The following RNF213 variants were observed in gnomAD, a reference collection of about 807,000 sequenced individuals.
RNF213 encodes the protein E3 ubiquitin-protein ligase RNF213.
RNF213 carries 341 observed loss-of-function variants against 514.4 expected under a neutral mutation model. The observed-to-expected ratio is 0.66, with a 90% CI of 0.61 to 0.73. The LOEUF (loss-of-function observed/expected upper bound fraction) is 0.73, where lower values mean the gene tolerates loss of function less well. Among genes scored for constraint, RNF213 ranks in the 30% least tolerant of loss-of-function variants. RNF213 has a pLI of 0.00. For synonymous variants in RNF213, 2,655 were observed against 2,658.2 expected (o/e 1.00, Z 0.04); for missense variants, 5,767 against 6,615.6 (o/e 0.87, Z 4.45).
chr17:80,363,540 C>G, intron 40 of RNF213, 69 bp from the exon 41 acceptor site: 1 of 1,556,468 alleles, frequency 6.4e-7, no homozygotes. Flanking sequence ...ATGCAGCTAA[C>G]AGCCGGGGCC....
Position 80,332,157 on chromosome 17 carries a change from G to A in RNF213, c.3669G>A (p.Lys1223=). The A allele has an allele frequency of 6.5e-7, 1 of 1,537,214 alleles. No individual in the cohort carries two copies. The highest frequency in any genetic ancestry group is 1.2e-5 in the South Asian group (1 of 84,066). ...CCCAGGTCCAAGAAATGGCTGGGAA[G>A]ATAGACTTGCTCAGAGACAGCCACA... ...LSSQVQEMAG[K]IDLLRDSHIF... The change falls in exon 21 of 68, where the codon AAG becomes AAA. Residue 1223 remains lysine (K), a synonymous_variant. Transcript: ENST00000582970.
At chr17:80,300,359 G>A (rs374859856) in intron 11 of RNF213, among the ~76,000 whole-genome samples, 3 of 151,706 alleles carry the variant, frequency 2.0e-5, no homozygotes, top group South Asian at 2.1e-4. Flanking sequence ...CTGCCTCCTC[G>A]GCACAAGCGA....
At position 80,340,070 on chromosome 17, in the gene RNF213, C is replaced by T. The variant is rs2078106426; in HGVS notation, c.5703C>T (p.Ser1901=). The change falls in exon 26 of 68, where the codon AGC becomes AGT. Residue 1901 remains serine (S), a synonymous_variant. Transcript: ENST00000582970. ...VYSLLFADQL[S]YEVARQAEEL... is the part of the protein sequence containing the mutation. ...GCCTGCTGTTCGCAGATCAGCTGAG[C>T]TACGAGGTGGCACGCCAAGCGGAGG... is the stretch of plus-strand genomic sequence containing the variant. 2.5e-6 allele frequency: 4 copies of T among 1,586,402 alleles called. No homozygotes were observed. Among genetic ancestry groups the T allele is most frequent in the Non-Finnish European group, 3.4e-6 (4 of 1,169,552 alleles).
At chr17:80,379,477 C>G in intron 54 of RNF213, 143 bp from the exon 55 acceptor site, 1 of 811,860 alleles carries the variant, frequency 1.2e-6, no homozygotes, top group Non-Finnish European at 2.1e-6. Flanking sequence ...GGGTTCTCCA[C>G]CCACCCGAAA....
intron 2 of RNF213, among the ~76,000 whole-genome samples, chr17:80,269,983 CAT>C (rs1177584329): frequency 1.3e-5 from 2 of 152,230 alleles, no homozygotes; most frequent in African/African-American, 2.4e-5. Context: ...AAATGACCCA[CAT>C]GTTACAGGAG....
chr17:80,349,733 A>C, intron 29 of RNF213, 37 bp from the exon 30 acceptor site: 1 of 1,612,770 alleles, frequency 6.2e-7, no homozygotes, highest in South Asian at 1.1e-5. Context: ...CCTTTCCTTG[A>C]AGTCTGGCAA....
chr17:80,348,983 T>A (rs903066603), intron 29 of RNF213, among the ~76,000 whole-genome samples: 1 of 151,998 alleles, frequency 6.6e-6, no homozygotes, highest in East Asian at 1.9e-4. Flanking sequence ...GAAAGGCTGT[T>A]GTGGAAAAGA....
chr17:80,346,942 T>C lies in RNF213; in HGVS notation c.8607T>C (p.Ile2869=), dbSNP rs2078332766. 2 of 1,613,792 alleles carry C rather than the reference T, an allele frequency of 1.2e-6. No individual in the cohort carries two copies. The highest frequency in any genetic ancestry group is 2.7e-5 in the African/African-American group (2 of 74,874). The stretch of plus-strand genomic sequence containing the variant: ...ACCCGCTGCTGGAAGACGGATGCAT[T>C]GAAGACGATCCCGCCCCCCACAAAA... ...TLHPLLEDGC[I]EDDPAPHKKV... Residue 2869 remains isoleucine (I), a synonymous_variant, in exon 29 of 68, where the codon ATT becomes ATC. Coordinates refer to ENST00000582970, the MANE Select transcript of RNF213 (RefSeq NM_001256071.3). This position sits in a 1 kb window ranked among gnomAD's most constrained non-coding sequence, Gnocchi z 8.1.
intron 56 of RNF213, 177 bp downstream of exon 56, chr17:80,381,164 T>G: frequency 4.2e-6 from 3 of 712,908 alleles, no homozygotes; most frequent in Non-Finnish European, 4.9e-6. Context: ...TATGATGGTA[T>G]GGGGGGAACT....
chr17:80,277,801 GC>G (rs1414394583), intron 3 of RNF213, among the ~76,000 whole-genome samples: 1 of 152,154 alleles, frequency 6.6e-6, no homozygotes, highest in African/African-American at 2.4e-5. Context: ...AAGCGCAGAC[GC>G]CGCATTCTAA....
At chr17:80,278,903 G>T (rs1278966180) in intron 3 of RNF213, 3 of 1,537,184 alleles carry the variant, frequency 2.0e-6, no homozygotes, top group Admixed American at 2.0e-5. Context: ...TCTGCAGACT[G>T]TGAGCAGGTA....
chr17:80,284,131 G>A (rs1461526997), intron 3 of RNF213, among the ~76,000 whole-genome samples: 5 of 152,012 alleles, frequency 3.3e-5, no homozygotes, highest in African/African-American at 9.7e-5. Context: ...AGGCCGAGGC[G>A]GGTGGATCAC....
chr17:80,285,209 G>A (rs574692929), intron 3 of RNF213, among the ~76,000 whole-genome samples: 1 of 152,314 alleles, frequency 6.6e-6, no homozygotes, highest in East Asian at 1.9e-4. Context: ...GTGATGCTCT[G>A]ATGTGGACAC....
chr17:80,362,639 G>A (rs966962850), intron 39 of RNF213, among the ~76,000 whole-genome samples: 3 of 152,266 alleles, frequency 2.0e-5, no homozygotes, highest in Admixed American at 1.3e-4. Flanking sequence ...GCAGGGCTGC[G>A]TGGCAGAACA....
intron 23 of RNF213, chr17:80,336,870 C>A: frequency 4.5e-6 from 1 of 223,222 alleles, no homozygotes. Flanking sequence ...CACTGTACTC[C>A]AGCCTGAGTG....
Position 80,298,370 on chromosome 17 carries a change from A to C in RNF213, c.2062A>C (p.Thr688Pro). ...GTGCCAAAGATGCATGGACACAAGG[A>C]CGTACACCTGGCTGGGCGCCCTGCC... The part of the protein sequence containing the change: ...NLCQRCMDTR[T>P]YTWLGALPVL... Residue 688 changes from threonine (T) to proline (P), a missense_variant, in exon 11 of 68, where the codon ACG becomes CCG. Thr to Pro is a conservative substitution (Grantham distance 38). This residue lies in a region of RNF213 where 592 missense variants were observed against 673.9 expected (regional missense o/e 0.88). Transcript: ENST00000582970. The C allele has an allele frequency of 6.2e-7, 1 of 1,614,136 alleles. No homozygotes were observed. Among genetic ancestry groups the C allele is most frequent in the Non-Finnish European group, 8.5e-7 (1 of 1,180,026 alleles).
intron 3 of RNF213, chr17:80,279,028 C>A: frequency 1.5e-6 from 2 of 1,370,226 alleles, no homozygotes; most frequent in South Asian, 1.4e-5. Flanking sequence ...GGAAGGCTGC[C>A]CAGGATGGGC....
chr17:80,367,575 A>C (rs1415265178), intron 42 of RNF213, among the ~76,000 whole-genome samples, 173 bp from the exon 43 acceptor site: 1 of 152,184 alleles, frequency 6.6e-6, no homozygotes, highest in East Asian at 1.9e-4. Flanking sequence ...GCATAATCAC[A>C]AAACGAGCAT....
intron 58 of RNF213, 26 bp downstream of exon 58, chr17:80,383,096 G>A (rs758199422): frequency 6.5e-6 from 10 of 1,546,566 alleles, no homozygotes; most frequent in Non-Finnish European, 8.0e-6. Context: ...TGACAGCTGG[G>A]TTGCTCCTCG....
Sources: gnomAD v4.1 joint callset for allele counts (sites outside exome capture counted in the v4.1 genomes callset) on GRCh38, gnomAD v4.1.1 for gene constraint, gnomAD v4.1.1 regional missense constraint, Gnocchi (gnomAD v3.1) non-coding constraint, MANE v1.5 for transcripts, NCBI Gene and HGNC (gene_info 2026-07-23, HGNC 2026-07-21) for gene names.